INSR: variants seen among roughly 807,000 people sequenced by gnomAD.
INSR encodes the protein IR.
In INSR, 67 loss-of-function variants were observed where a neutral mutation model predicts 142.6. The ratio of observed to expected loss-of-function variants is 0.47; its 90% CI spans 0.39 to 0.58. INSR has a LOEUF of 0.58. Ranked by LOEUF, INSR falls within the 20% of genes least tolerant of loss-of-function variation. The pLI is 0.00. For missense variants in INSR, 1,248 were observed against 1,833.2 expected, an observed-to-expected ratio of 0.68 and a Z score of 5.83; for synonymous variants, 756 against 743.1, an observed-to-expected ratio of 1.02 and a Z score of -0.28.
chr19:7,254,933 G>C (rs4804195), intron 2 of INSR, among the ~76,000 whole-genome samples: 53,837 of 151,958 alleles, frequency 0.35, 10,042 homozygotes, highest in South Asian at 0.45. Context: ...CATTACGATG[G>C]ATTTTAACTC....
Position 7,174,737 on chromosome 19 carries a change from G to A in INSR, c.975-6C>T. The A allele has an allele frequency of 1.9e-6, 3 of 1,612,640 alleles. No individual in the cohort carries two copies. In the Admixed American group the frequency reaches 5.0e-5, roughly 27 times the overall value. On this transcript the variant is annotated splice_polypyrimidine_tract_variant and splice_region_variant and intron_variant, in intron 3 of 21. Transcript: ENST00000302850. The stretch of plus-strand genomic sequence containing the variant: ...GGCATGGGGTGCACAGCAAGCTAAG[G>A]ACGGAGCAGAGAGAGAGAGAAAGAG...
chr19:7,135,193 C>A (rs1972882729), intron 13 of INSR, among the ~76,000 whole-genome samples: 1 of 150,438 alleles, frequency 6.6e-6, no homozygotes, highest in Admixed American at 6.6e-5. Flanking sequence ...GCAGGGAACT[C>A]CAGTCCAAAG....
rs568893097 is a variant in INSR, at chr19:7,166,657, C to A, written c.1611-253G>T. Among the ~76,000 whole-genome samples the A allele has an allele frequency of 4.6e-5, 7 of 152,298 alleles. No homozygotes were observed. The highest frequency in any genetic ancestry group is 1.7e-4 in the African/African-American group (7 of 41,568). On this transcript the variant is annotated intron_variant, in intron 7 of 21. Coordinates refer to ENST00000302850, the MANE Select transcript of INSR (RefSeq NM_000208.4). This position sits in a 1 kb window ranked among gnomAD's most constrained non-coding sequence, Gnocchi z 4.1. ...AGACTTGGCCAAGTGCAGTGGCTCACGCCTGTAATCCCAGCACTTTGGGAG... is the reference window on the plus strand; with the variant it reads ...AGACTTGGCCAAGTGCAGTGGCTCAAGCCTGTAATCCCAGCACTTTGGGAG...
intron 17 of INSR, among the ~76,000 whole-genome samples, chr19:7,124,072 A>G (rs1348241194): frequency 6.9e-6 from 1 of 144,816 alleles, no homozygotes; most frequent in African/African-American, 2.6e-5. Flanking sequence ...ATACAAAAAA[A>G]TTAGCCAGGC....
At chr19:7,120,972 T>C (rs1018526418) in intron 19 of INSR, among the ~76,000 whole-genome samples, 3 of 151,828 alleles carry the variant, frequency 2.0e-5, no homozygotes, top group African/African-American at 7.3e-5. Context: ...GAAAAGAAGG[T>C]ACCAAATCAC....
Position 7,293,876 on chromosome 19 carries a change from G to A in INSR, c.16C>T (p.Arg6Trp), listed in dbSNP as rs1171697715. 8.1e-7 allele frequency: 1 copy of A among 1,236,918 alleles called. No homozygotes were observed. Among genetic ancestry groups the A allele is most frequent in the Non-Finnish European group, 1.0e-6 (1 of 996,202 alleles). 76.6% of individuals were successfully genotyped at this position (1,236,918 alleles called of 1,614,324 possible). A position where few individuals can be genotyped will look rare whatever the true frequency, so the allele number is the denominator to read the frequency against. The change falls in exon 1 of 22, where the codon CGG becomes TGG. Residue 6 changes from arginine to tryptophan, a missense_variant. Coordinates refer to ENST00000302850, the MANE Select transcript of INSR (RefSeq NM_000208.4). Reference protein sequence around the residue: MATGGRRGAAAAPLLV... With the variant: MATGGWRGAAAAPLLV... ...AGCGGCGCGGCCGCCGCCCCCCGCCGGCCCCCGGTGGCCATGGCTGCGGGA... is the reference window on the plus strand; with the variant it reads ...AGCGGCGCGGCCGCCGCCCCCCGCCAGCCCCCGGTGGCCATGGCTGCGGGA...
intron 3 of INSR, among the ~76,000 whole-genome samples, chr19:7,175,584 C>T (rs1030898882): frequency 2.6e-5 from 4 of 152,164 alleles, no homozygotes; most frequent in Admixed American, 6.5e-5. Context: ...CCTGTAATCC[C>T]AGCACTTTGG....
At chr19:7,153,936 A>G (rs1413884039) in intron 9 of INSR, among the ~76,000 whole-genome samples, 1 of 152,096 alleles carries the variant, frequency 6.6e-6, no homozygotes, top group Admixed American at 6.6e-5. Flanking sequence ...TGAGGTAGGC[A>G]GACCACCTGA....
At chr19:7,132,716 C>G in intron 13 of INSR, among the ~76,000 whole-genome samples, 1 of 151,750 alleles carries the variant, frequency 6.6e-6, no homozygotes, top group Non-Finnish European at 1.5e-5. Flanking sequence ...CTCAGCCTCC[C>G]GAGTAGCTGG....
chr19:7,197,719 AGT>A (rs138289202), intron 2 of INSR, among the ~76,000 whole-genome samples: 13 of 54,982 alleles, frequency 2.4e-4, no homozygotes, highest in African/African-American at 5.8e-4. Context: ...CCAGAGTGGG[AGT>A]GTGTGTGTGT....
chr19:7,234,929 G>A (rs1475369270), intron 2 of INSR, among the ~76,000 whole-genome samples: 1 of 151,962 alleles, frequency 6.6e-6, no homozygotes, highest in Non-Finnish European at 1.5e-5. Flanking sequence ...GTGGTGGAGG[G>A]CACCTGTAGT....
At chr19:7,235,254 AC>A (rs1976122489) in intron 2 of INSR, among the ~76,000 whole-genome samples, 1 of 151,910 alleles carries the variant, frequency 6.6e-6, no homozygotes, top group Non-Finnish European at 1.5e-5. Context: ...CAGCTCGTCC[AC>A]CCTTTGAGAA....
At chr19:7,275,326 C>T (rs1362438454) in intron 1 of INSR, among the ~76,000 whole-genome samples, 1 of 152,080 alleles carries the variant, frequency 6.6e-6, no homozygotes, top group Non-Finnish European at 1.5e-5. Context: ...GGATCCCCGC[C>T]TCTGGAGACG....
At position 7,168,270 on chromosome 19, in the gene INSR, G is replaced by GT. The variant is rs1250926160; in HGVS notation, c.1484-177dup. Among the ~76,000 whole-genome samples, 1 of 152,058 alleles carries GT rather than the reference G, an allele frequency of 6.6e-6. No individual in the cohort carries two copies. Among genetic ancestry groups the GT allele is most frequent in the African/African-American group, 2.4e-5 (1 of 41,400 alleles). ...AGTATGAATGGGGGAAGATTCAAAGGTAAGAGCCAGTTTTGCAACTTGGCC... is the reference window on the plus strand; with the variant it reads ...AGTATGAATGGGGGAAGATTCAAAGGTTAAGAGCCAGTTTTGCAACTTGGCC... On this transcript the variant is annotated intron_variant, in intron 6 of 21. Coordinates refer to ENST00000302850, the MANE Select transcript of INSR (RefSeq NM_000208.4). This position sits in a 1 kb window ranked among gnomAD's most constrained non-coding sequence, Gnocchi z 4.3.
intron 2 of INSR, among the ~76,000 whole-genome samples, chr19:7,240,581 A>G (rs62112785): frequency 0.17 from 25,600 of 151,972 alleles, 2,255 homozygotes; most frequent in South Asian, 0.27. Context: ...AATACAAATA[A>G]ATAAATAAAT....
chr19:7,255,773 T>C (rs893183897), intron 2 of INSR, among the ~76,000 whole-genome samples: 1 of 151,754 alleles, frequency 6.6e-6, no homozygotes, highest in Non-Finnish European at 1.5e-5. Flanking sequence ...AGAGATGGGG[T>C]CTTGCTATGT....
intron 2 of INSR, among the ~76,000 whole-genome samples, chr19:7,213,852 G>C (rs1975352748): frequency 6.6e-6 from 1 of 152,120 alleles, no homozygotes; most frequent in Non-Finnish European, 1.5e-5. Flanking sequence ...AGCCAGGCGT[G>C]GTGGTGCACG....
At chr19:7,117,476 C>G (rs11883325) in intron 21 of INSR, 66 bp from the exon 22 acceptor site, 4 of 1,226,760 alleles carry the variant, frequency 3.3e-6, no homozygotes, top group Non-Finnish European at 4.7e-6. Flanking sequence ...CCCAAACCCC[C>G]ACTCTTGTCC....
intron 2 of INSR, among the ~76,000 whole-genome samples, chr19:7,244,949 T>C (rs1317138825): frequency 4.3e-5 from 5 of 116,192 alleles, no homozygotes; most frequent in Non-Finnish European, 8.4e-5. Flanking sequence ...TTTTTTTTTT[T>C]TTTCAAGATG....
Sources: allele counts gnomAD v4.1 joint callset (sites outside exome capture counted in the v4.1 genomes callset), GRCh38; gene constraint gnomAD v4.1.1; non-coding constraint Gnocchi (gnomAD v3.1); transcripts MANE v1.5; gene names NCBI Gene and HGNC (gene_info 2026-07-23, HGNC 2026-07-21).